MSRA: variants seen among roughly 807,000 people sequenced by gnomAD.
The protein encoded by MSRA is methionine sulfoxide reductase A.
Under a neutral mutation model 31.3 loss-of-function variants are expected in MSRA, and 54 were observed. That is an observed-to-expected ratio of 1.73 (90% CI 1.39 to 2.17). The LOEUF (loss-of-function observed/expected upper bound fraction) is 2.17. Among genes scored for constraint, MSRA ranks in the 30% most tolerant of loss-of-function variants. The pLI is 0.00. For missense variants in MSRA, 507 were observed against 300.9 expected, an observed-to-expected ratio of 1.69 and a Z score of -5.07; for synonymous variants, 169 against 116.5, an observed-to-expected ratio of 1.45 and a Z score of -2.90.
intron 5 of MSRA, among the ~76,000 whole-genome samples, chr8:10,327,809 T>G (rs1384241277): frequency 6.6e-6 from 1 of 152,004 alleles, no homozygotes; most frequent in Non-Finnish European, 1.5e-5. Flanking sequence ...GGTGGGCGCC[T>G]GTAGTCCCAG....
chr8:10,131,789 T>A (rs866524838), intron 1 of MSRA, among the ~76,000 whole-genome samples: 2 of 152,186 alleles, frequency 1.3e-5, no homozygotes, highest in African/African-American at 4.8e-5. Context: ...TGGGAGGCGA[T>A]GCTGGGATGC....
intron 1 of MSRA, among the ~76,000 whole-genome samples, chr8:10,080,725 G>T (rs1798249899): frequency 6.8e-6 from 1 of 146,636 alleles, no homozygotes; most frequent in South Asian, 2.1e-4. Context: ...TTCTAGTAGA[G>T]ATGAGGTCTC....
chr8:10,097,488 A>G (rs1220140841), intron 1 of MSRA, among the ~76,000 whole-genome samples: 2 of 152,202 alleles, frequency 1.3e-5, no homozygotes, highest in East Asian at 3.9e-4. Flanking sequence ...ACAACAATAT[A>G]TGAAACAAAA....
In MSRA at chr8:10,074,655, C is replaced by G. The variant is rs980482246; in HGVS notation, c.142+19997C>G. ...TATTGATAATACACCCCTTCTTCTT[C>G]TTTTCTTTTCTTTTCTTTTTTTTGA... On this transcript the variant is annotated intron_variant, in intron 1 of 5. Coordinates refer to ENST00000317173, the MANE Select transcript of MSRA (RefSeq NM_012331.5). Among the ~76,000 whole-genome samples the G allele has an allele frequency of 2.0e-5, 3 of 151,894 alleles. No homozygotes were observed. The East Asian group carries it at 5.8e-4, about 29-fold the overall frequency.
intron 4 of MSRA, among the ~76,000 whole-genome samples, chr8:10,303,504 T>G (rs1220547138): frequency 1.3e-5 from 2 of 152,206 alleles, no homozygotes; most frequent in Non-Finnish European, 2.9e-5. Context: ...GATCTTCACA[T>G]CATAGGTGGT....
chr8:10,396,389 T>A (rs1807100430), intron 5 of MSRA, among the ~76,000 whole-genome samples: 1 of 152,190 alleles, frequency 6.6e-6, no homozygotes, highest in South Asian at 2.1e-4. Context: ...TTGGGGGGCT[T>A]CGGTATGATA....
At chr8:10,217,932 T>A (rs141131665) in intron 2 of MSRA, among the ~76,000 whole-genome samples, 2 of 152,206 alleles carry the variant, frequency 1.3e-5, no homozygotes, top group Non-Finnish European at 2.9e-5. Context: ...TTTCTCTCTT[T>A]CCCTTGCTAT....
chr8:10,206,729 A>C (rs913249308), intron 1 of MSRA, among the ~76,000 whole-genome samples: 1 of 152,058 alleles, frequency 6.6e-6, no homozygotes, highest in Admixed American at 6.6e-5. Flanking sequence ...AGCACATCTG[A>C]CTTCCCACCC....
Position 10,396,868 on chromosome 8 carries a change from C to A in MSRA, c.544-31280C>A, listed in dbSNP as rs1807128546. On this transcript the variant is annotated intron_variant, in intron 5 of 5. Transcript: ENST00000317173. ...TCTGTTGAGTAAAGCCTTCCCTGAG[C>A]CTCCCAGCCAGAATTATTCAGTTTG... 1.3e-5 allele frequency among the ~76,000 whole-genome samples: 2 copies of A among 152,210 alleles called. 1 individual carries two copies. The highest frequency in any genetic ancestry group is 4.1e-4 in the South Asian group (2 of 4,832).
chr8:10,314,828 T>C (rs1292060786), intron 4 of MSRA, among the ~76,000 whole-genome samples: 1 of 152,202 alleles, frequency 6.6e-6, no homozygotes, highest in Non-Finnish European at 1.5e-5. Context: ...GACCTCATGA[T>C]CATAATTGTA....
chr8:10,400,551 C>T (rs1462450652), intron 5 of MSRA, among the ~76,000 whole-genome samples: 1 of 152,156 alleles, frequency 6.6e-6, no homozygotes, highest in African/African-American at 2.4e-5. Flanking sequence ...TGGGATGGTG[C>T]ACCTGCTTTC....
intron 5 of MSRA, among the ~76,000 whole-genome samples, chr8:10,403,520 C>T (rs1224376973): frequency 6.6e-6 from 1 of 152,158 alleles, no homozygotes; most frequent in Non-Finnish European, 1.5e-5. Flanking sequence ...GCCGCTGGGG[C>T]TCTGGAGGTG....
chr8:10,262,353 T>C (rs1798527336), intron 3 of MSRA, among the ~76,000 whole-genome samples: 1 of 152,196 alleles, frequency 6.6e-6, no homozygotes, highest in African/African-American at 2.4e-5. Context: ...TGAGTGGGAG[T>C]TCCTGTTACT....
intron 5 of MSRA, among the ~76,000 whole-genome samples, chr8:10,418,686 T>TGTAG (rs1808624479): frequency 1.3e-5 from 2 of 151,716 alleles, no homozygotes; most frequent in African/African-American, 2.4e-5. Context: ...AAAAAGTGTC[T>TGTAG]GTAGGTCAGT....
intron 5 of MSRA, among the ~76,000 whole-genome samples, chr8:10,359,713 A>C (rs1262815834): frequency 6.6e-6 from 1 of 151,846 alleles, no homozygotes; most frequent in Non-Finnish European, 1.5e-5. Context: ...ATGGTCTCAG[A>C]TGGAGGATGG....
chr8:10,072,334 T>C (rs1200161374), intron 1 of MSRA, among the ~76,000 whole-genome samples: 5 of 151,554 alleles, frequency 3.3e-5, no homozygotes, highest in Admixed American at 3.3e-4. Flanking sequence ...TATGGATGAA[T>C]ATTCAGTTAC....
chr8:10,307,058 T>G (rs1453730194), intron 4 of MSRA, among the ~76,000 whole-genome samples: 3 of 152,186 alleles, frequency 2.0e-5, no homozygotes, highest in Non-Finnish European at 2.9e-5. Flanking sequence ...TTGCTTAATG[T>G]TAGTGGCGGT....
At chr8:10,294,037 C>G (rs1025981732) in intron 3 of MSRA, among the ~76,000 whole-genome samples, 2 of 152,052 alleles carry the variant, frequency 1.3e-5, no homozygotes, top group African/African-American at 4.8e-5. Flanking sequence ...AACCCCATCT[C>G]TACTAAAAAT....
rs148125376 is a variant in MSRA, at chr8:10,410,164, G to A, written c.544-17984G>A. ...TAGTGGTCTTCCCATGGTCCCATCC[G>A]TTGCTGTGGGTTTGTGACATTGTGA... is the stretch of plus-strand genomic sequence containing the variant. On this transcript the variant is annotated intron_variant, in intron 5 of 5. Coordinates refer to ENST00000317173, the MANE Select transcript of MSRA (RefSeq NM_012331.5). 3.0e-4 allele frequency among the ~76,000 whole-genome samples: 46 copies of A among 152,340 alleles called. No individual in the cohort carries two copies. The Middle Eastern group carries it at 0.014, about 45-fold the overall frequency.
Sources: gnomAD v4.1 joint callset for allele counts (sites outside exome capture counted in the v4.1 genomes callset) on GRCh38, gnomAD v4.1.1 for gene constraint, MANE v1.5 for transcripts, NCBI Gene and HGNC (gene_info 2026-07-23, HGNC 2026-07-21) for gene names.